Variants in IBA57 observed in about 807,000 individuals in gnomAD.
The protein encoded by IBA57 is iron-sulfur cluster assembly factor IBA57, mitochondrial.
IBA57 carries 20 observed loss-of-function variants against 20.4 expected under a neutral mutation model. That is an observed-to-expected ratio of 0.98 (90% confidence interval 0.69 to 1.42). The LOEUF (loss-of-function observed/expected upper bound fraction) is 1.42. IBA57 is among the 40% of genes most tolerant of loss of function. The pLI, the probability that IBA57 is intolerant of heterozygous loss-of-function variation, is 0.00. For missense variants in IBA57, 608 were observed against 499.3 expected, an observed-to-expected ratio of 1.22 and a Z score of -2.07; for synonymous variants, 310 against 233.9, an observed-to-expected ratio of 1.33 and a Z score of -2.97.
At chr1:228,173,403 C>A (rs1478677880) in intron 1 of IBA57, 1 of 131,246 alleles carries the variant, frequency 7.6e-6, no homozygotes, top group African/African-American at 2.7e-5. Flanking sequence ...CTTAGTGCCC[C>A]CCCCCCCGAC....
rs1479374947 is a variant in IBA57, at chr1:228,179,880, G to A, written c.*4367G>A. Reference sequence around the variant, plus strand: ...CCGTCTTTCAAGAATGAGGGGCCAGGCGCAGTGGCTCACGTCTGTATTCCC... The same window carrying A: ...CCGTCTTTCAAGAATGAGGGGCCAGACGCAGTGGCTCACGTCTGTATTCCC... On this transcript the variant is annotated 3_prime_UTR_variant, in exon 3 of 3. Coordinates refer to ENST00000366711, the MANE Select transcript of IBA57 (RefSeq NM_001010867.4). 1 of 152,142 alleles carries A rather than the reference G, an allele frequency of 6.6e-6. No individual in the cohort carries two copies. Among genetic ancestry groups the A allele is most frequent in the Non-Finnish European group, 1.5e-5 (1 of 68,050 alleles). The allele number at this position is 152,142 out of a possible 1,614,324, so 9.4% of individuals were successfully genotyped here. A position where few individuals can be genotyped will look rare whatever the true frequency, so the allele number is the denominator to read the frequency against.
intron 1 of IBA57, chr1:228,173,473 TGTG>T (rs2034955681): frequency 7.1e-6 from 1 of 141,252 alleles, no homozygotes; most frequent in African/African-American, 2.6e-5. Flanking sequence ...GGGTCATTCT[TGTG>T]GTGCCTGCCC....
Position 228,165,873 on chromosome 1 carries a change from G to C in IBA57, c.57G>C (p.Trp19Cys). ...GATPGRGGPVWRWRLRAAPRC... is the reference protein window; with the variant it reads ...GATPGRGGPVCRWRLRAAPRC... ...CTCCGGGGCGCGGCGGCCCGGTCTG[G>C]CGCTGGCGGCTGCGCGCGGCCCCAA... The change falls in exon 1 of 3, where the codon TGG (tryptophan) becomes TGC (cysteine). Residue 19 changes from tryptophan (W) to cysteine (C), a missense_variant. By Grantham distance (215) the Trp-to-Cys change is radical. Coordinates refer to ENST00000366711, the MANE Select transcript of IBA57 (RefSeq NM_001010867.4). 7.5e-7 allele frequency: 1 copy of C among 1,334,102 alleles called. No individual in the cohort carries two copies. Among genetic ancestry groups the C allele is most frequent in the Non-Finnish European group, 9.5e-7 (1 of 1,048,826 alleles). The allele number at this position is 1,334,102 out of a possible 1,614,324, so 82.6% of individuals were successfully genotyped here. A position where few individuals can be genotyped will look rare whatever the true frequency, so the allele number is the denominator to read the frequency against.
rs908528084 is a variant in IBA57 at position 228,181,486 on chromosome 1, A to T, written c.*5973A>T. ...CTGGCCAGCCTGGGCATCTCCACCCAATATGAGTGATGGCGACTGATTCCC... is the reference window on the plus strand; with the variant it reads ...CTGGCCAGCCTGGGCATCTCCACCCTATATGAGTGATGGCGACTGATTCCC... On this transcript the variant is annotated 3_prime_UTR_variant, in exon 3 of 3. Coordinates refer to ENST00000366711, the MANE Select transcript of IBA57 (RefSeq NM_001010867.4). 2 of 152,326 alleles carry T rather than the reference A, an allele frequency of 1.3e-5. No individual in the cohort carries two copies. Among genetic ancestry groups the T allele is most frequent in the Non-Finnish European group, 2.9e-5 (2 of 68,114 alleles). The allele number at this position is 152,326 out of a possible 1,614,324, so 9.4% of individuals were successfully genotyped here.
At chr1:228,174,474 T>C (rs1368029431) in intron 1 of IBA57, 4 of 347,270 alleles carry the variant, frequency 1.2e-5, no homozygotes, top group African/African-American at 7.1e-5. Context: ...GCTGTGGGCG[T>C]GGCTCGCTGT....
rs1457191737 is a variant in IBA57 at position 228,177,303 on chromosome 1, C to G, written c.*1790C>G. ...GCTGCAGCATCTGGGAGCATCCTAG[C>G]CTGTCCCGTGGGTGTGGCTGGGTGA... On this transcript the variant is annotated 3_prime_UTR_variant, in exon 3 of 3. Coordinates refer to ENST00000366711, the MANE Select transcript of IBA57 (RefSeq NM_001010867.4). The G allele has an allele frequency of 1.3e-5, 2 of 152,114 alleles. No individual in the cohort carries two copies. Among genetic ancestry groups the G allele is most frequent in the African/African-American group, 4.8e-5 (2 of 41,370 alleles). The allele number at this position is 152,114 out of a possible 1,614,324, so 9.4% of individuals were successfully genotyped here. A position where few individuals can be genotyped will look rare whatever the true frequency, so the allele number is the denominator to read the frequency against.
rs1438721745 is a variant in IBA57 at position 228,170,775 on chromosome 1, G to A, written c.342-3917G>A. ...CCAAGAGTGTCAGGGCTGTGGCCTT[G>A]TGTCTGGCCAGCACTGAGGAGCAGG... On this transcript the variant is annotated intron_variant, in intron 1 of 2. Transcript: ENST00000366711. The surrounding 1 kb of genome is among the most constrained non-coding windows in gnomAD (Gnocchi z 4.8). Among the ~76,000 whole-genome samples the A allele has an allele frequency of 1.3e-5, 2 of 152,208 alleles. No individual in the cohort carries two copies. The highest frequency in any genetic ancestry group is 3.9e-4 in the East Asian group (2 of 5,192).
rs1439466675 is a variant in IBA57, at chr1:228,175,111, A to G, written c.680-11A>G. Reference sequence around the variant, plus strand: ...CAATTCTCGCTGGTTTCCCCCCTCCAATCCCTGCAGGCGTTCCTGAGGGGG... The same window carrying G: ...CAATTCTCGCTGGTTTCCCCCCTCCGATCCCTGCAGGCGTTCCTGAGGGGG... On this transcript the variant is annotated splice_polypyrimidine_tract_variant and intron_variant, in intron 2 of 2. Coordinates refer to ENST00000366711, the MANE Select transcript of IBA57 (RefSeq NM_001010867.4). 6.2e-7 allele frequency: 1 copy of G among 1,607,338 alleles called. No individual in the cohort carries two copies. The highest frequency in any genetic ancestry group is 1.7e-5 in the Admixed American group (1 of 59,664).
intron 1 of IBA57, among the ~76,000 whole-genome samples, chr1:228,167,908 T>C (rs540608890): frequency 1.3e-5 from 2 of 152,380 alleles, no homozygotes; most frequent in Non-Finnish European, 2.9e-5. Context: ...GTTAGTACTT[T>C]GCTGTTCACA....
At chr1:228,166,475 G>C (rs1257022475) in intron 1 of IBA57, among the ~76,000 whole-genome samples, 2 of 152,196 alleles carry the variant, frequency 1.3e-5, no homozygotes, top group Non-Finnish European at 2.9e-5. Flanking sequence ...GGGAGGCCTG[G>C]GGGCCAGCCC....
chr1:228,174,974 G>C lies in IBA57; in HGVS notation c.624G>C (p.Val208=). Residue 208 remains valine, a synonymous_variant, in exon 2 of 3, where the codon GTG becomes GTC. Coordinates refer to ENST00000366711, the MANE Select transcript of IBA57 (RefSeq NM_001010867.4). ...LLTQDEGPAL[V]PGGRLGDLWD... is the part of the protein sequence containing the mutation. ...CCCAGGATGAAGGCCCAGCCCTGGTGCCCGGGGGCCGGCTCGGGGACTTGT... is the reference window on the plus strand; with the variant it reads ...CCCAGGATGAAGGCCCAGCCCTGGTCCCCGGGGGCCGGCTCGGGGACTTGT... 2 of 1,557,562 alleles carry C rather than the reference G, an allele frequency of 1.3e-6. No homozygotes were observed. Among genetic ancestry groups the C allele is most frequent in the Non-Finnish European group, 1.7e-6 (2 of 1,149,352 alleles).
Position 228,172,155 on chromosome 1 carries a change from AC to A in IBA57, c.342-2536del, listed in dbSNP as rs1485512191. On this transcript the variant is annotated intron_variant, in intron 1 of 2. Coordinates refer to ENST00000366711, the MANE Select transcript of IBA57 (RefSeq NM_001010867.4). ...TTCACAGGAAGTTGCAAAAAAAAAA[AC>A]AAAACAAAACCCGTGGGAGAGATCG... 1.5e-4 allele frequency: 22 copies of A among 144,184 alleles called. 1 individual carries two copies. The East Asian group carries it at 4.3e-3, about 28-fold the overall frequency. 8.9% of individuals were successfully genotyped at this position (144,184 alleles called of 1,614,324 possible).
chr1:228,174,656 G>C (rs374967019), intron 1 of IBA57, 36 bp from the exon 2 acceptor site: 2 of 1,482,044 alleles, frequency 1.3e-6, no homozygotes, highest in South Asian at 1.3e-5. Flanking sequence ...CACTCAGTTG[G>C]TGAGCTGCCA....
chr1:228,174,514 T>C lies in IBA57; in HGVS notation c.342-178T>C. Reference sequence around the variant, plus strand: ...GTGGCTCGCTGTGGGCGTGGCTCCCTGCGTGTGGTGACCTGGGCGCTTGCC... The same window carrying C: ...GTGGCTCGCTGTGGGCGTGGCTCCCCGCGTGTGGTGACCTGGGCGCTTGCC... On this transcript the variant is annotated intron_variant, in intron 1 of 2. Coordinates refer to ENST00000366711, the MANE Select transcript of IBA57 (RefSeq NM_001010867.4). The C allele has an allele frequency of 3.9e-6, 2 of 508,222 alleles. 1 individual carries two copies. Among genetic ancestry groups the C allele is most frequent in the Non-Finnish European group, 6.8e-6 (2 of 295,348 alleles). 31.5% of individuals were successfully genotyped at this position (508,222 alleles called of 1,614,324 possible). A position where few individuals can be genotyped will look rare whatever the true frequency, so the allele number is the denominator to read the frequency against.
intron 1 of IBA57, chr1:228,173,499 G>A (rs2034955911): frequency 6.6e-6 from 1 of 150,454 alleles, no homozygotes; most frequent in African/African-American, 2.4e-5. Context: ...ATCCTCTGAG[G>A]AGGGCTGCCT....
Position 228,174,924 on chromosome 1 carries a change from G to T in IBA57, c.574G>T (p.Ala192Ser). ...CATCCTCATCCGCGACCCGCGAACA[G>T]CACGCATGGGGTGGCGGCTCCTCAC... is the stretch of plus-strand genomic sequence containing the variant. Reference protein sequence around the residue: ...AAILIRDPRTARMGWRLLTQD... With the variant: ...AAILIRDPRTSRMGWRLLTQD... The change falls in exon 2 of 3, where the codon GCA (alanine) becomes TCA (serine). Residue 192 changes from alanine (A) to serine (S), a missense_variant. Coordinates refer to ENST00000366711, the MANE Select transcript of IBA57 (RefSeq NM_001010867.4). The T allele has an allele frequency of 6.3e-7, 1 of 1,593,642 alleles. No homozygotes were observed.
Position 228,175,344 on chromosome 1 carries a change from C to G in IBA57, c.902C>G (p.Thr301Ser). The G allele has an allele frequency of 6.2e-7, 1 of 1,613,010 alleles. No individual in the cohort carries two copies. The highest frequency in any genetic ancestry group is 8.5e-7 in the Non-Finnish European group (1 of 1,180,000). The change falls in exon 3 of 3, where the codon ACT becomes AGT. Residue 301 changes from threonine to serine, a missense_variant. Physicochemically the swap from Thr to Ser is moderately conservative, Grantham distance 58. Transcript: ENST00000366711. ...ATCACCCCTGGTGCCACGGTGCTGA[C>G]TGCCTCAGGACAGACTGTGGGCAAG... Reference protein sequence around the residue: ...SGITPGATVLTASGQTVGKFR... With the variant: ...SGITPGATVLSASGQTVGKFR...
chr1:228,166,185 G>A, intron 1 of IBA57, 28 bp downstream of exon 1: 1 of 1,407,534 alleles, frequency 7.1e-7, no homozygotes. Context: ...GGGCGCTCGG[G>A]GGCGGGCACC....
intron 1 of IBA57, 63 bp downstream of exon 1, chr1:228,166,220 C>A: frequency 7.8e-7 from 1 of 1,288,438 alleles, no homozygotes; most frequent in Non-Finnish European, 1.0e-6. Flanking sequence ...GGGACCGGCA[C>A]CCAGGGACAG....
Sources: allele counts gnomAD v4.1 joint callset (sites outside exome capture counted in the v4.1 genomes callset), GRCh38; gene constraint gnomAD v4.1.1; non-coding constraint Gnocchi (gnomAD v3.1); transcripts MANE v1.5; gene names NCBI Gene and HGNC (gene_info 2026-07-23, HGNC 2026-07-21).